The following ROBO2 variants were observed in gnomAD, a reference collection of about 807,000 sequenced individuals.
The protein encoded by ROBO2 is roundabout homolog 2.
ROBO2 carries 53 observed loss-of-function variants against 160.8 expected under a neutral mutation model. That is an observed-to-expected ratio of 0.33 (90% confidence interval 0.26 to 0.41). The LOEUF is 0.41. ROBO2 is among the 10% of genes least tolerant of loss of function. The pLI, the probability that ROBO2 is intolerant of heterozygous loss-of-function variation, is 1.00. For missense variants in ROBO2, 1,577 were observed against 1,722.4 expected (o/e 0.92, Z 1.49); for synonymous variants, 664 against 611.7 (o/e 1.09, Z -1.26).
intron 2 of ROBO2, among the ~76,000 whole-genome samples, chr3:76,077,061 T>C (rs903811602): frequency 6.6e-6 from 1 of 152,238 alleles, no homozygotes; most frequent in Non-Finnish European, 1.5e-5. Flanking sequence ...TGTTTGTTTT[T>C]ATTTTAGTTG....
chr3:76,146,287 G>A (rs1029142383), intron 2 of ROBO2, among the ~76,000 whole-genome samples: 3 of 151,820 alleles, frequency 2.0e-5, no homozygotes, highest in African/African-American at 7.3e-5. Flanking sequence ...TTCTTTTAGG[G>A]ACTCACAATT....
intron 2 of ROBO2, among the ~76,000 whole-genome samples, chr3:77,178,497 G>A (rs2080375321): frequency 6.6e-6 from 1 of 151,908 alleles, no homozygotes. Flanking sequence ...ATATGCTCGC[G>A]AATAGATTTC....
chr3:77,170,176 TG>T (rs774427128), intron 2 of ROBO2, among the ~76,000 whole-genome samples: 1 of 152,270 alleles, frequency 6.6e-6, no homozygotes, highest in Non-Finnish European at 1.5e-5. Context: ...GCTGCCTAGG[TG>T]GTATTATCTG....
Position 77,192,834 on chromosome 3 carries a change from A to G in ROBO2, c.388+94494A>G, listed in dbSNP as rs181234168. On this transcript the variant is annotated intron_variant, in intron 2 of 25. Coordinates refer to ENST00000461745, the Ensembl canonical transcript of ROBO2. The stretch of plus-strand genomic sequence containing the variant: ...CTTATTTTTGTATTTTTGTATTTTA[A>G]GTAGAGATGGGGCTTCACCATGTTG... 2.0e-5 allele frequency among the ~76,000 whole-genome samples: 3 copies of G among 151,444 alleles called. No homozygotes were observed. In the East Asian group the frequency reaches 5.9e-4, roughly 30 times the overall value.
intron 2 of ROBO2, among the ~76,000 whole-genome samples, chr3:77,400,603 A>C (rs2075706825): frequency 6.6e-6 from 1 of 152,036 alleles, no homozygotes; most frequent in Non-Finnish European, 1.5e-5. Flanking sequence ...TTTAATTAAG[A>C]AATTGTGTTC....
At chr3:76,066,542 C>T (rs1255154941) in intron 2 of ROBO2, among the ~76,000 whole-genome samples, 1 of 151,678 alleles carries the variant, frequency 6.6e-6, no homozygotes, top group African/African-American at 2.4e-5. Context: ...GAACATTTTT[C>T]AAATTAGCAA....
intron 2 of ROBO2, among the ~76,000 whole-genome samples, chr3:76,079,801 A>G (rs1482358295): frequency 1.3e-5 from 2 of 152,248 alleles, no homozygotes; most frequent in East Asian, 1.9e-4. Flanking sequence ...CTAAGTAGGC[A>G]GAAATTACAA....
chr3:77,599,414 A>G (rs1721174), intron 19 of ROBO2, among the ~76,000 whole-genome samples: 113,308 of 149,992 alleles, frequency 0.76, 43,037 homozygotes, highest in African/African-American at 0.82. Flanking sequence ...TTCCCACACC[A>G]CATGTTCTCA....
intron 2 of ROBO2, among the ~76,000 whole-genome samples, chr3:76,119,725 C>A (rs2070639216): frequency 6.6e-6 from 1 of 151,876 alleles, no homozygotes; most frequent in South Asian, 2.1e-4. Flanking sequence ...AAAATAGGAA[C>A]CTACTTTATT....
intron 2 of ROBO2, among the ~76,000 whole-genome samples, chr3:76,595,612 A>G: frequency 6.6e-6 from 1 of 152,128 alleles, no homozygotes; most frequent in South Asian, 2.1e-4. Flanking sequence ...ATTACAGATT[A>G]TATATGAGTG....
At chr3:76,987,356 G>C (rs936263486) in intron 2 of ROBO2, among the ~76,000 whole-genome samples, 1 of 152,124 alleles carries the variant, frequency 6.6e-6, no homozygotes. Flanking sequence ...TGTAGTGGGG[G>C]GGAGGGAATC....
intron 2 of ROBO2, among the ~76,000 whole-genome samples, chr3:76,488,403 G>T (rs1460656379): frequency 6.6e-6 from 1 of 151,956 alleles, no homozygotes; most frequent in Non-Finnish European, 1.5e-5. Flanking sequence ...GTTCTCTGCT[G>T]TTAGAGAAGA....
intron 2 of ROBO2, among the ~76,000 whole-genome samples, chr3:76,997,947 T>C (rs979571296): frequency 7.9e-5 from 12 of 152,096 alleles, no homozygotes; most frequent in Non-Finnish European, 1.5e-4. Context: ...AGCCAGAGCT[T>C]GTTCACATTT....
intron 6 of ROBO2, among the ~76,000 whole-genome samples, chr3:77,537,891 G>T (rs1300095554): frequency 1.3e-5 from 2 of 151,962 alleles, no homozygotes; most frequent in Admixed American, 1.3e-4. Flanking sequence ...ACCCTGCCCC[G>T]TGATTCAATT....
At chr3:76,831,548 C>T (rs765914854) in intron 2 of ROBO2, among the ~76,000 whole-genome samples, 1 of 152,114 alleles carries the variant, frequency 6.6e-6, no homozygotes, top group Non-Finnish European at 1.5e-5. Context: ...TTAAAATTTT[C>T]TATAATAATA....
At chr3:76,169,357 C>T (rs998392648) in intron 2 of ROBO2, among the ~76,000 whole-genome samples, 13 of 152,224 alleles carry the variant, frequency 8.5e-5, no homozygotes, top group East Asian at 5.8e-4. Context: ...ACAACAATAA[C>T]GGAGGCACAA....
At chr3:77,278,029 G>C (rs1350936157) in intron 2 of ROBO2, among the ~76,000 whole-genome samples, 3 of 152,102 alleles carry the variant, frequency 2.0e-5, no homozygotes, top group Non-Finnish European at 4.4e-5. Flanking sequence ...ATCTCATTGT[G>C]GTTTTGATTT....
intron 2 of ROBO2, among the ~76,000 whole-genome samples, chr3:77,258,122 G>A (rs1487845658): frequency 3.3e-5 from 5 of 152,214 alleles, no homozygotes; most frequent in South Asian, 2.1e-4. Flanking sequence ...TTGAAGTAAA[G>A]TGTCAACGTG....
intron 2 of ROBO2, among the ~76,000 whole-genome samples, chr3:77,188,610 C>T (rs2081503500): frequency 6.6e-6 from 1 of 151,778 alleles, no homozygotes; most frequent in African/African-American, 2.4e-5. Context: ...ATGTCTAGTG[C>T]TAAAACAAAA....
Sources: allele counts gnomAD v4.1 joint callset (sites outside exome capture counted in the v4.1 genomes callset), GRCh38; gene constraint gnomAD v4.1.1; transcripts MANE v1.5; gene names NCBI Gene and HGNC (gene_info 2026-07-23, HGNC 2026-07-21).